Variants in RTN1 observed in about 807,000 individuals in gnomAD.
RTN1 encodes the protein reticulon-1.
RTN1 carries 25 observed loss-of-function variants against 65.5 expected under a neutral mutation model. The observed-to-expected ratio is 0.38, with a 90% CI of 0.28 to 0.53. The LOEUF is 0.53. Ranked by LOEUF, RTN1 falls within the 20% of genes least tolerant of loss-of-function variation. RTN1 has a pLI of 0.79. For missense variants in RTN1, 983 were observed against 1,025.4 expected (o/e 0.96, Z 0.57); for synonymous variants, 471 against 447.6 (o/e 1.05, Z -0.66).
chr14:59,734,113 G>C (rs892989261), intron 2 of RTN1, among the ~76,000 whole-genome samples: 8 of 152,162 alleles, frequency 5.3e-5, no homozygotes, highest in Admixed American at 5.2e-4. Context: ...CTAAGGTCTG[G>C]AGTGGACCCC....
intron 3 of RTN1, among the ~76,000 whole-genome samples, chr14:59,686,563 G>A (rs1883850226): frequency 6.6e-6 from 1 of 152,172 alleles, no homozygotes; most frequent in African/African-American, 2.4e-5. Flanking sequence ...CAAAGTAAAT[G>A]AGAATCCACT....
Position 59,727,649 on chromosome 14 carries a change from G to A in RTN1, c.1035C>T (p.Ser345=), listed in dbSNP as rs867475226. The A allele has an allele frequency of 6.2e-7, 1 of 1,605,364 alleles. No individual in the cohort carries two copies. Among genetic ancestry groups the A allele is most frequent in the Non-Finnish European group, 8.5e-7 (1 of 1,175,464 alleles). The change falls in exon 3 of 9, where the codon TCC becomes TCT. Residue 345 remains serine (S), a synonymous_variant. Transcript: ENST00000267484. The surrounding 1 kb of genome is among the most constrained non-coding windows in gnomAD (Gnocchi z 4.2). ...CCTCGGAGATGCTGCCTTTCCCCTG[G>A]GATTCTGCAGCAGATGGTTCTGTCG... ...SSGTEPSAAE[S]QGKGSISEDE...
At chr14:59,694,285 T>A (rs932320787) in intron 3 of RTN1, among the ~76,000 whole-genome samples, 4 of 152,178 alleles carry the variant, frequency 2.6e-5, no homozygotes, top group African/African-American at 9.7e-5. Context: ...ATTAAAAGCA[T>A]CAGATTACCC....
chr14:59,621,556 A>G lies in RTN1; in HGVS notation c.1766-14064T>C, dbSNP rs920922292. On this transcript the variant is annotated intron_variant, in intron 3 of 8. Transcript: ENST00000267484. ...CCTGCCTAGGACTGTCTTAGAATAA[A>G]TTTGGCCAAAAGTGAAGTGGCAGAT... Among the ~76,000 whole-genome samples, 3 of 152,196 alleles carry G rather than the reference A, an allele frequency of 2.0e-5. No individual in the cohort carries two copies. The East Asian group carries it at 5.8e-4, about 29-fold the overall frequency.
intron 1 of RTN1, among the ~76,000 whole-genome samples, chr14:59,748,551 G>C (rs541683604): frequency 6.6e-6 from 1 of 151,764 alleles, no homozygotes; most frequent in Admixed American, 6.6e-5. Context: ...AATCCTATTC[G>C]CTACCCTTCT....
chr14:59,833,835 C>A (rs1356172318), intron 1 of RTN1, among the ~76,000 whole-genome samples: 1 of 152,146 alleles, frequency 6.6e-6, no homozygotes, highest in African/African-American at 2.4e-5. Context: ...TCATTTTACT[C>A]CCCAAAGCAA....
At chr14:59,845,019 T>C (rs1887380288) in intron 1 of RTN1, among the ~76,000 whole-genome samples, 1 of 152,250 alleles carries the variant, frequency 6.6e-6, no homozygotes, top group Non-Finnish European at 1.5e-5. Flanking sequence ...TGTTTCTCCA[T>C]ATCATAAAGT....
At chr14:59,859,656 T>A (rs1255451126) in intron 1 of RTN1, among the ~76,000 whole-genome samples, 1 of 152,124 alleles carries the variant, frequency 6.6e-6, no homozygotes, top group African/African-American at 2.4e-5. Context: ...CAGAAAAATG[T>A]GGGAAAGTTT....
At chr14:59,867,546 G>A (rs1045216169) in intron 1 of RTN1, among the ~76,000 whole-genome samples, 1 of 152,132 alleles carries the variant, frequency 6.6e-6, no homozygotes, top group African/African-American at 2.4e-5. Flanking sequence ...GTTTTATGGT[G>A]CAGTTTTAAT....
chr14:59,720,910 A>T (rs1251705156), intron 3 of RTN1, among the ~76,000 whole-genome samples: 2 of 152,138 alleles, frequency 1.3e-5, no homozygotes, highest in Non-Finnish European at 2.9e-5. Flanking sequence ...TAACACCTGT[A>T]TTGTGAAAGA....
At chr14:59,672,625 CTTTTTTTTTTTTTT>C (rs71111662) in intron 3 of RTN1, among the ~76,000 whole-genome samples, 17 of 79,086 alleles carry the variant, frequency 2.1e-4, no homozygotes, top group Non-Finnish European at 3.0e-4. Context: ...CAAGATATTT[CTTTTTTTTTTTTTT>C]TTTTTTTTTT....
At chr14:59,788,923 C>T (rs1026996866) in intron 1 of RTN1, among the ~76,000 whole-genome samples, 3 of 151,992 alleles carry the variant, frequency 2.0e-5, no homozygotes, top group African/African-American at 7.2e-5. Context: ...AAATTAACCT[C>T]TTTATTTTAT....
Position 59,766,742 on chromosome 14 carries a change from G to A in RTN1, c.242-20261C>T, listed in dbSNP as rs1463015954. 3.3e-5 allele frequency among the ~76,000 whole-genome samples: 5 copies of A among 151,930 alleles called. No individual in the cohort carries two copies. The highest frequency in any genetic ancestry group is 1.2e-4 in the African/African-American group (5 of 41,340). On this transcript the variant is annotated intron_variant, in intron 1 of 8. Coordinates refer to ENST00000267484, the MANE Select transcript of RTN1 (RefSeq NM_021136.3). The surrounding 1 kb of genome is among the most constrained non-coding windows in gnomAD (Gnocchi z 4.4). Reference sequence around the variant, plus strand: ...AAAGAGTGTTGAATACCTGCTATGTGCCAGTCACCATGCTCGGTGCTTAAA... The same window carrying A: ...AAAGAGTGTTGAATACCTGCTATGTACCAGTCACCATGCTCGGTGCTTAAA...
chr14:59,639,812 A>G (rs1882739578), intron 3 of RTN1, among the ~76,000 whole-genome samples: 2 of 152,134 alleles, frequency 1.3e-5, no homozygotes, highest in African/African-American at 4.8e-5. Context: ...TTATTTTTTT[A>G]ATATAAAAAT....
At chr14:59,843,863 G>A (rs1046274983) in intron 1 of RTN1, among the ~76,000 whole-genome samples, 1 of 152,158 alleles carries the variant, frequency 6.6e-6, no homozygotes, top group Non-Finnish European at 1.5e-5. Flanking sequence ...AGCAACAATT[G>A]TAGCATGGTG....
intron 3 of RTN1, among the ~76,000 whole-genome samples, chr14:59,669,581 T>C (rs533746384): frequency 1.1e-4 from 17 of 152,024 alleles, no homozygotes; most frequent in Non-Finnish European, 1.8e-4. Context: ...GTTGTGCATA[T>C]GTACCCTAGA....
chr14:59,773,954 C>T (rs1886005598), intron 1 of RTN1, among the ~76,000 whole-genome samples: 1 of 152,158 alleles, frequency 6.6e-6, no homozygotes, highest in African/African-American at 2.4e-5. Flanking sequence ...CTGGACATTT[C>T]ATTCATATAT....
chr14:59,804,638 G>A (rs1024157773), intron 1 of RTN1, among the ~76,000 whole-genome samples: 1 of 152,180 alleles, frequency 6.6e-6, no homozygotes, highest in Non-Finnish European at 1.5e-5. Context: ...CACAAAGTAT[G>A]TTGATAAATG....
intron 3 of RTN1, among the ~76,000 whole-genome samples, chr14:59,662,469 G>A (rs1228396983): frequency 6.6e-6 from 1 of 152,040 alleles, no homozygotes; most frequent in Non-Finnish European, 1.5e-5. Flanking sequence ...CTTCATCCAT[G>A]TCCCTACAAA....
Sources: allele counts gnomAD v4.1 joint callset (sites outside exome capture counted in the v4.1 genomes callset), GRCh38; gene constraint gnomAD v4.1.1; non-coding constraint Gnocchi (gnomAD v3.1); transcripts MANE v1.5; gene names NCBI Gene and HGNC (gene_info 2026-07-23, HGNC 2026-07-21).